The following ESR1 variants were observed in gnomAD, a reference collection of about 807,000 sequenced individuals.
ESR1 encodes estrogen receptor 1, also known as estrogen receptor.
Under a neutral mutation model 52.7 loss-of-function variants are expected in ESR1, and 12 were observed. The observed-to-expected ratio is 0.23, with a 90% CI of 0.15 to 0.37. The LOEUF (loss-of-function observed/expected upper bound fraction) is 0.37. Ranked by LOEUF, ESR1 falls within the 10% of genes least tolerant of loss-of-function variation. The pLI, the probability that ESR1 is intolerant of heterozygous loss-of-function variation, is 1.00. For synonymous variants in ESR1, 305 were observed against 316.8 expected (o/e 0.96, Z 0.39); for missense variants, 584 against 779.7 (o/e 0.75, Z 2.99).
intron 1 of ESR1, among the ~76,000 whole-genome samples, chr6:151,810,286 A>T (rs187668750): frequency 1.8e-3 from 274 of 151,644 alleles, no homozygotes; most frequent in African/African-American, 6.1e-3. Context: ...TTAAAAATTA[A>T]AAAAAAAACT....
At chr6:152,037,502 T>C (rs1267552025) in intron 5 of ESR1, among the ~76,000 whole-genome samples, 1 of 152,226 alleles carries the variant, frequency 6.6e-6, no homozygotes, top group African/African-American at 2.4e-5. Flanking sequence ...GCATTTTTCA[T>C]TTCAGTTTCT....
intron 4 of ESR1, among the ~76,000 whole-genome samples, chr6:151,957,198 C>G (rs560647736): frequency 2.0e-5 from 3 of 151,906 alleles, no homozygotes; most frequent in Non-Finnish European, 4.4e-5. Context: ...ATATTACAGC[C>G]GTTGAAGGAC....
chr6:151,671,639 A>G (rs1778064613), intron 1 of ESR1, among the ~76,000 whole-genome samples: 2 of 152,192 alleles, frequency 1.3e-5, no homozygotes, highest in South Asian at 4.1e-4. Context: ...GTAGTTAATA[A>G]TGATGCACTG....
intron 6 of ESR1, among the ~76,000 whole-genome samples, chr6:152,114,644 C>CA (rs1221529043): frequency 6.6e-6 from 1 of 151,980 alleles, no homozygotes; most frequent in African/African-American, 2.4e-5. Context: ...GTAATCCCAG[C>CA]ACTTTGGGAG....
chr6:152,001,660 A>C (rs1023868492), intron 4 of ESR1, among the ~76,000 whole-genome samples: 3 of 152,016 alleles, frequency 2.0e-5, no homozygotes, highest in South Asian at 2.1e-4. Context: ...AAAGAAAAAT[A>C]GTTTCTGGCT....
intron 2 of ESR1, among the ~76,000 whole-genome samples, chr6:151,792,738 C>T (rs1776292182): frequency 6.6e-6 from 1 of 152,148 alleles, no homozygotes; most frequent in African/African-American, 2.4e-5. Context: ...TGCACTTGGC[C>T]TAAACTCTAA....
At chr6:152,121,516 C>G (rs1213662759) in intron 6 of ESR1, among the ~76,000 whole-genome samples, 2 of 152,162 alleles carry the variant, frequency 1.3e-5, no homozygotes, top group Non-Finnish European at 2.9e-5. Flanking sequence ...CTGGGGTCTT[C>G]TATGTCTAAA....
At chr6:151,968,387 AAAAGC>A (rs2038522692) in intron 4 of ESR1, among the ~76,000 whole-genome samples, 1 of 152,180 alleles carries the variant, frequency 6.6e-6, no homozygotes, top group Non-Finnish European at 1.5e-5. Context: ...TAAAATACCA[AAAAGC>A]AATGGCAACA....
chr6:151,880,555 A>C lies in ESR1; in HGVS notation c.644-100A>C, dbSNP rs1792732082. On this transcript the variant is annotated intron_variant, in intron 2 of 7. Transcript: ENST00000206249. The stretch of plus-strand genomic sequence containing the variant: ...GCTGGGGAGCAACATAGTAAGGCTG[A>C]GGAAGTGATAGGAAAACAGCCTCCA... 5.0e-6 allele frequency: 4 copies of C among 794,414 alleles called. No individual in the cohort carries two copies. The Admixed American group carries it at 6.8e-5, about 13-fold the overall frequency. The allele number at this position is 794,414 out of a possible 1,614,324, so 49.2% of individuals were successfully genotyped here. A position where few individuals can be genotyped will look rare whatever the true frequency, so the allele number is the denominator to read the frequency against.
At chr6:151,803,246 G>A (rs1777439981), upstream of ESR1, among the ~76,000 whole-genome samples, 1 of 152,120 alleles carries the variant, frequency 6.6e-6, no homozygotes, top group Non-Finnish European at 1.5e-5. Context: ...AATTCAGGAA[G>A]AATTTGATAA....
intron 2 of ESR1, among the ~76,000 whole-genome samples, chr6:151,744,808 C>A (rs1206439472): frequency 6.6e-6 from 1 of 152,234 alleles, no homozygotes; most frequent in East Asian, 1.9e-4. Flanking sequence ...AGGAGACTTA[C>A]AACTCTGTTT....
At chr6:151,977,535 C>G (rs761315450) in intron 4 of ESR1, among the ~76,000 whole-genome samples, 15 of 152,044 alleles carry the variant, frequency 9.9e-5, no homozygotes, top group Non-Finnish European at 1.8e-4. Context: ...TGGCTCACCC[C>G]TGTAATCCCA....
chr6:151,671,033 G>C (rs1332919965), intron 1 of ESR1, among the ~76,000 whole-genome samples: 1 of 152,150 alleles, frequency 6.6e-6, no homozygotes, highest in Admixed American at 6.5e-5. Context: ...CTCCAAAAGT[G>C]CTGTGATTAT....
At chr6:151,966,224 A>G (rs9340919) in intron 4 of ESR1, among the ~76,000 whole-genome samples, 80 of 152,336 alleles carry the variant, frequency 5.3e-4, no homozygotes, top group African/African-American at 1.8e-3. Flanking sequence ...TATATATTCT[A>G]AAATCCATTG....
chr6:151,785,162 C>T (rs888228028), intron 2 of ESR1, among the ~76,000 whole-genome samples: 4 of 152,158 alleles, frequency 2.6e-5, no homozygotes, highest in Admixed American at 1.3e-4. Flanking sequence ...CAAGTTGACA[C>T]CTGAAATTGG....
intron 7 of ESR1, among the ~76,000 whole-genome samples, chr6:152,095,490 A>G (rs9341052): frequency 0.05 from 7,614 of 152,176 alleles, 282 homozygotes; most frequent in South Asian, 0.1. Context: ...TCCTCCTTGT[A>G]CCCACATGTT....
At chr6:151,847,916 G>A (rs1426296789) in intron 2 of ESR1, among the ~76,000 whole-genome samples, 1 of 151,590 alleles carries the variant, frequency 6.6e-6, no homozygotes, top group Non-Finnish European at 1.5e-5. Flanking sequence ...GGAAGTCAGT[G>A]TGGCGATTCC....
At chr6:151,798,956 T>G (rs1353371787) in intron 2 of ESR1, among the ~76,000 whole-genome samples, 1 of 152,226 alleles carries the variant, frequency 6.6e-6, no homozygotes, top group Non-Finnish European at 1.5e-5. Context: ...TGTTTCAATG[T>G]TTTTAACTTA....
At chr6:152,125,492 T>C (rs904994890) in exon 7 of ESR1, 3 of 1,182,304 alleles carry the variant, frequency 2.5e-6, no homozygotes, top group Non-Finnish European at 3.4e-6. Flanking sequence ...TTTGCAATGA[T>C]TCAATGGTTT....
Sources: allele counts gnomAD v4.1 joint callset (sites outside exome capture counted in the v4.1 genomes callset), GRCh38; gene constraint gnomAD v4.1.1; transcripts MANE v1.5; gene names NCBI Gene and HGNC (gene_info 2026-07-23, HGNC 2026-07-21).